SNRPC: variants seen among roughly 807,000 people sequenced by gnomAD.
SNRPC encodes small nuclear ribonucleoprotein polypeptide C.
Under a neutral mutation model 20.0 loss-of-function variants are expected in SNRPC, and 5 were observed. That is an observed-to-expected ratio of 0.25 (90% CI 0.13 to 0.53). SNRPC has a LOEUF of 0.53. Ranked by LOEUF, SNRPC falls within the 20% of genes least tolerant of loss-of-function variation. The probability of loss-of-function intolerance (pLI) is 0.96; values close to 1 mark genes in which losing one functional copy is unlikely to be tolerated. For missense variants in SNRPC, 112 were observed against 224.1 expected (o/e 0.50, Z 3.19); for synonymous variants, 61 against 58.7 (o/e 1.04, Z -0.18).
At chr6:34,758,250 C>T (rs995588034) in intron 2 of SNRPC, among the ~76,000 whole-genome samples, 1 of 151,806 alleles carries the variant, frequency 6.6e-6, no homozygotes, top group African/African-American at 2.4e-5. Flanking sequence ...GCACTCCAGC[C>T]TGGACAACAA....
chr6:34,757,720 C>T, intron 1 of SNRPC, 169 bp downstream of exon 1: 1 of 1,446,020 alleles, frequency 6.9e-7, no homozygotes, highest in Non-Finnish European at 9.5e-7. Context: ...TTTTAGAGTG[C>T]AGATGGATCC....
chr6:34,764,284 A>G (rs1194208177), intron 3 of SNRPC, among the ~76,000 whole-genome samples: 2 of 151,668 alleles, frequency 1.3e-5, no homozygotes, highest in Non-Finnish European at 2.9e-5. Context: ...GTTCGAAACC[A>G]GCCTCAACAT....
chr6:34,767,892 T>TTCCTCCC lies in SNRPC; in HGVS notation c.161-16_161-15insTCCTCCC. 6.8e-7 allele frequency: 1 copy of TTCCTCCC among 1,472,706 alleles called. No individual in the cohort carries two copies. The allele number at this position is 1,472,706 out of a possible 1,614,324, so 91.2% of individuals were successfully genotyped here. A position where few individuals can be genotyped will look rare whatever the true frequency, so the allele number is the denominator to read the frequency against. ...TTATTCATCTTTTTTTTTTTTTTTT[T>TTCCTCCC]CCTCACCCTCCAAAGCGGCTGCATT... On this transcript the variant is annotated splice_polypyrimidine_tract_variant and intron_variant, in intron 3 of 5. Transcript: ENST00000244520.
intron 3 of SNRPC, among the ~76,000 whole-genome samples, 160 bp downstream of exon 3, chr6:34,762,863 A>G (rs1199459767): frequency 6.6e-6 from 1 of 152,248 alleles, no homozygotes; most frequent in Non-Finnish European, 1.5e-5. Flanking sequence ...TCCCAAGGAT[A>G]TAAGAACACA....
Position 34,773,107 on chromosome 6 carries a change from A to C in SNRPC, c.356-339A>C, listed in dbSNP as rs189689268. The C allele has an allele frequency of 7.9e-4, 180 of 227,316 alleles. 1 individual carries two copies. The highest frequency in any genetic ancestry group is 1.5e-3 in the Non-Finnish European group (167 of 111,946). 14.1% of individuals were successfully genotyped at this position (227,316 alleles called of 1,614,324 possible). On this transcript the variant is annotated intron_variant, in intron 5 of 5. Coordinates refer to ENST00000244520, the MANE Select transcript of SNRPC (RefSeq NM_003093.3). The surrounding 1 kb of genome is among the most constrained non-coding windows in gnomAD (Gnocchi z 4.1). ...GAGCTGACTGAAAAACATGTGACTTAGTTGTGAATTTCCCTGAGTGAGAAA... is the reference window on the plus strand; with the variant it reads ...GAGCTGACTGAAAAACATGTGACTTCGTTGTGAATTTCCCTGAGTGAGAAA...
At chr6:34,768,290 C>T (rs1242177993) in intron 4 of SNRPC, among the ~76,000 whole-genome samples, 2 of 152,058 alleles carry the variant, frequency 1.3e-5, no homozygotes, top group Admixed American at 6.6e-5. Flanking sequence ...AAAGAAAGCT[C>T]AGAATGAACC....
Position 34,766,450 on chromosome 6 carries a change from C to T in SNRPC, c.161-1458C>T, listed in dbSNP as rs190351605. ...TGGAGCTCAAGAGATCCTCCTGCCT[C>T]AGCCTCCCAAAGTGCTAGGATTACA... On this transcript the variant is annotated intron_variant, in intron 3 of 5. Coordinates refer to ENST00000244520, the MANE Select transcript of SNRPC (RefSeq NM_003093.3). 3.2e-4 allele frequency among the ~76,000 whole-genome samples: 49 copies of T among 152,336 alleles called. No homozygotes were observed. In the East Asian group the frequency reaches 9.1e-3, roughly 28 times the overall value.
At chr6:34,770,574 T>C (rs1764673585) in intron 5 of SNRPC, among the ~76,000 whole-genome samples, 179 bp downstream of exon 5, 1 of 152,260 alleles carries the variant, frequency 6.6e-6, no homozygotes, top group Non-Finnish European at 1.5e-5. Context: ...AAATGTACTA[T>C]TGTAACAAAT....
At chr6:34,767,430 G>A (rs143755507) in intron 3 of SNRPC, among the ~76,000 whole-genome samples, 1,910 of 152,316 alleles carry the variant, frequency 0.013, 18 homozygotes, top group Middle Eastern at 0.024. Context: ...AGACCAGCCC[G>A]GGCAATATGG....
chr6:34,758,616 AC>A (rs777538497), intron 2 of SNRPC, among the ~76,000 whole-genome samples: 2 of 151,322 alleles, frequency 1.3e-5, no homozygotes, highest in East Asian at 3.9e-4. Flanking sequence ...TGCCCAGCCA[AC>A]CCCGTCTCTT....
chr6:34,758,359 T>A (rs9469861), intron 2 of SNRPC, among the ~76,000 whole-genome samples: 66,527 of 151,890 alleles, frequency 0.44, 16,381 homozygotes, highest in African/African-American at 0.67. Flanking sequence ...CTTGTTGCCC[T>A]GGCTGGAGTG....
At chr6:34,758,662 T>C (rs1035076235) in intron 2 of SNRPC, among the ~76,000 whole-genome samples, 3 of 152,116 alleles carry the variant, frequency 2.0e-5, no homozygotes, top group African/African-American at 7.2e-5. Context: ...TAAGAGCACT[T>C]GAGTGGATCT....
chr6:34,765,317 C>T (rs969029734), intron 3 of SNRPC, among the ~76,000 whole-genome samples: 9 of 152,218 alleles, frequency 5.9e-5, no homozygotes, highest in Middle Eastern at 3.4e-3. Context: ...TGTTTCTGGC[C>T]GAGACAGCCA....
intron 4 of SNRPC, 146 bp downstream of exon 4, chr6:34,768,143 T>A: frequency 1.7e-6 from 1 of 575,158 alleles, no homozygotes; most frequent in Non-Finnish European, 2.8e-6. Context: ...ATGTTGAATA[T>A]AGATGCAGGT....
At chr6:34,770,541 A>G (rs1764673299) in intron 5 of SNRPC, 146 bp downstream of exon 5, 2 of 597,110 alleles carry the variant, frequency 3.3e-6, no homozygotes. Flanking sequence ...GAATATTTAC[A>G]TAAATTATCT....
chr6:34,767,448 C>T lies in SNRPC; in HGVS notation c.161-460C>T, dbSNP rs114433964. Among the ~76,000 whole-genome samples, 449 of 152,246 alleles carry T rather than the reference C, an allele frequency of 2.9e-3. 2 individuals carry two copies. Among genetic ancestry groups the T allele is most frequent in the African/African-American group, 1.0e-2 (415 of 41,550 alleles). ...CCAGCCCGGGCAATATGGTGAAACC[C>T]GGTCTCTATAAAAAATAAAAAGTTA... On this transcript the variant is annotated intron_variant, in intron 3 of 5. Transcript: ENST00000244520.
intron 1 of SNRPC, 71 bp from the exon 2 acceptor site, chr6:34,757,841 A>G: frequency 6.2e-7 from 1 of 1,611,060 alleles, no homozygotes; most frequent in Non-Finnish European, 8.5e-7. Context: ...TTTATCTTCC[A>G]TGAACAGCGC....
chr6:34,758,011 G>A (rs368412079), intron 2 of SNRPC, 57 bp downstream of exon 2: 3 of 1,554,216 alleles, frequency 1.9e-6, no homozygotes, highest in Non-Finnish European at 2.6e-6. Context: ...AATTAAATGA[G>A]TTTTGTGTTT....
intron 3 of SNRPC, among the ~76,000 whole-genome samples, chr6:34,765,910 GTAAAATTTTTTATAGAGA>G (rs1764607651): frequency 6.6e-6 from 1 of 150,710 alleles, no homozygotes; most frequent in Non-Finnish European, 1.5e-5. Context: ...GGTTAATTTT[GTAAAATTTTTTATAGAGA>G]TGGTGTCTCA....
Sources: gnomAD v4.1 joint callset for allele counts (sites outside exome capture counted in the v4.1 genomes callset) on GRCh38, gnomAD v4.1.1 for gene constraint, Gnocchi (gnomAD v3.1) non-coding constraint, MANE v1.5 for transcripts, NCBI Gene and HGNC (gene_info 2026-07-23, HGNC 2026-07-21) for gene names.